Variants in MAP7D3 observed in about 807,000 individuals in gnomAD.
MAP7D3 encodes MAP7 domain containing 3.
In MAP7D3, 45 loss-of-function variants were observed where a neutral mutation model predicts 62.2. That is an observed-to-expected ratio of 0.72 (90% confidence interval 0.57 to 0.93). The LOEUF is 0.93. MAP7D3 is among the 40% of genes least tolerant of loss of function. MAP7D3 has a pLI of 0.00. For synonymous variants in MAP7D3, 288 were observed against 248.8 expected, an observed-to-expected ratio of 1.16 and a Z score of -1.48; for missense variants, 711 against 683.1, an observed-to-expected ratio of 1.04 and a Z score of -0.45.
chrX:136,224,585 G>C (rs2074172886), intron 14 of MAP7D3, among the ~76,000 whole-genome samples: 1 of 109,851 alleles, frequency 9.1e-6, no homozygotes, highest in African/African-American at 3.3e-5. Flanking sequence ...AACATTTAAA[G>C]AACCACAATG....
intron 12 of MAP7D3, 131 bp from the exon 13 acceptor site, chrX:136,226,144 T>A: frequency 2.2e-6 from 1 of 448,171 alleles, no homozygotes. Context: ...GAATGAGGGT[T>A]CCTATATCAT....
At chrX:136,232,692 T>C (rs771828055) in intron 7 of MAP7D3, among the ~76,000 whole-genome samples, 1 of 112,503 alleles carries the variant, frequency 8.9e-6, no homozygotes, top group African/African-American at 3.2e-5. Flanking sequence ...GAGCATTTTC[T>C]CACCCATACT....
At chrX:136,224,383 G>C (rs751027171) in intron 14 of MAP7D3, among the ~76,000 whole-genome samples, 11 of 105,783 alleles carry the variant, frequency 1.0e-4, no homozygotes, top group Non-Finnish European at 1.9e-4. Context: ...CTGGGTGACA[G>C]AGCGGGACTC....
chrX:136,229,436 G>A (rs753354134), intron 10 of MAP7D3, among the ~76,000 whole-genome samples: 2 of 111,626 alleles, frequency 1.8e-5, no homozygotes, highest in East Asian at 5.6e-4. Flanking sequence ...GTGGAATTCC[G>A]TAAAAGAGCA....
chrX:136,220,758 G>A lies in MAP7D3; in HGVS notation c.2486+7C>T, dbSNP rs1341597075. On this transcript the variant is annotated splice_region_variant and intron_variant, in intron 16 of 18. Transcript: ENST00000316077. ...GTTTATTTAGATAAGCTGGCTAAGT[G>A]ACTCACCTTGAAACTACTTCCTGTA... 3 of 1,193,161 alleles carry A rather than the reference G, an allele frequency of 2.5e-6. No homozygotes were observed. The highest frequency in any genetic ancestry group is 3.4e-6 in the Non-Finnish European group (3 of 880,320).
chrX:136,251,200 C>T, intron 1 of MAP7D3, 89 bp downstream of exon 1: 1 of 809,168 alleles, frequency 1.2e-6, no homozygotes, highest in Non-Finnish European at 1.7e-6. Flanking sequence ...TTGTGGCGCC[C>T]GCTGCGCCGC....
At chrX:136,231,025 G>GT in intron 8 of MAP7D3, 59 bp from the exon 9 acceptor site, 3 of 869,759 alleles carry the variant, frequency 3.4e-6, no homozygotes, top group Non-Finnish European at 1.5e-6. Flanking sequence ...ACTGCAGCTG[G>GT]CTTTTTTTTT....
chrX:136,233,448 A>G (rs980083332), intron 7 of MAP7D3, among the ~76,000 whole-genome samples: 3 of 107,101 alleles, frequency 2.8e-5, no homozygotes, highest in African/African-American at 1.0e-4. Flanking sequence ...AAAATTTTGT[A>G]TTTTTAGTAG....
chrX:136,255,454 C>A (rs976127281), upstream of MAP7D3, among the ~76,000 whole-genome samples: 1 of 111,257 alleles, frequency 9.0e-6, no homozygotes, highest in African/African-American at 3.3e-5. Context: ...TTCAATTAAT[C>A]TTTTATTAAC....
intron 1 of MAP7D3, 72 bp from the exon 2 acceptor site, chrX:136,246,413 G>A: frequency 6.3e-6 from 4 of 633,050 alleles, no homozygotes; most frequent in Non-Finnish European, 7.6e-6. Flanking sequence ...AGCAAACCAC[G>A]GCCAATTGTA....
At chrX:136,234,827 C>G (rs992807020) in intron 7 of MAP7D3, among the ~76,000 whole-genome samples, 1 of 111,440 alleles carries the variant, frequency 9.0e-6, no homozygotes, top group Non-Finnish European at 1.9e-5. Flanking sequence ...AAATTATTCT[C>G]TTGAGAACTG....
At chrX:136,220,529 G>A (rs2074114326) in intron 16 of MAP7D3, among the ~76,000 whole-genome samples, 1 of 112,075 alleles carries the variant, frequency 8.9e-6, no homozygotes, top group Non-Finnish European at 1.9e-5. Context: ...GCAGGATATT[G>A]GGCAAATAAA....
chrX:136,248,589 A>C (rs2074473562), intron 1 of MAP7D3, among the ~76,000 whole-genome samples: 1 of 112,558 alleles, frequency 8.9e-6, no homozygotes, highest in Admixed American at 9.4e-5. Context: ...AGTAAAAGTT[A>C]TATTTTGCCC....
At chrX:136,225,785 C>T (rs762772042) in intron 13 of MAP7D3, 124 bp downstream of exon 13, 4 of 457,689 alleles carry the variant, frequency 8.7e-6, no homozygotes, top group East Asian at 3.9e-5. Context: ...GGAAGAGAAT[C>T]GAGTGGGAAA....
In MAP7D3 at chrX:136,231,913, C is replaced by T. The variant is rs2074274435; in HGVS notation, c.1044G>A (p.Val348=). The T allele has an allele frequency of 4.1e-6, 5 of 1,211,513 alleles. No individual in the cohort carries two copies. Among genetic ancestry groups the T allele is most frequent in the East Asian group, 3.0e-5 (1 of 33,802 alleles). Residue 348 remains valine, a synonymous_variant, in exon 8 of 19, where the codon GTG becomes GTA. Coordinates refer to ENST00000316077, the MANE Select transcript of MAP7D3 (RefSeq NM_024597.4). ...TCATCTCAGAATCATATGTGCTCAC[C>T]ACAGGCGACACGTCCACGCTCACCA... ...FPVVSVDVSP[V]VSTYDSEMSM...
downstream of MAP7D3, among the ~76,000 whole-genome samples, chrX:136,216,359 T>TAAAAAAAAAAAAAAAAAAAAAAAAAAA (rs58245551): frequency 3.9e-5 from 1 of 25,504 alleles, no homozygotes; most frequent in Non-Finnish European, 6.1e-5. Context: ...ACCCTATCTC[T>TAAAAAAAAAAAAAAAAAAAAAAAAAAA]AAAAAAAAAA....
chrX:136,246,176 T>C (rs2074446398), intron 2 of MAP7D3, 28 bp from the exon 3 acceptor site: 1 of 1,121,839 alleles, frequency 8.9e-7, no homozygotes, highest in African/African-American at 1.8e-5. Flanking sequence ...TAGTTAGATA[T>C]TAATAGGATA....
chrX:136,241,894 T>C (rs142157974), intron 4 of MAP7D3, among the ~76,000 whole-genome samples: 1 of 111,545 alleles, frequency 9.0e-6, no homozygotes, highest in Admixed American at 9.5e-5. Flanking sequence ...CTATACAAAG[T>C]AAATACCATG....
At chrX:136,243,686 G>C (rs1357838338) in intron 4 of MAP7D3, among the ~76,000 whole-genome samples, 2 of 108,880 alleles carry the variant, frequency 1.8e-5, no homozygotes, top group African/African-American at 6.7e-5. Context: ...CTGGGCGACA[G>C]AGTGAGACTC....
Sources: allele counts gnomAD v4.1 joint callset (sites outside exome capture counted in the v4.1 genomes callset), GRCh38; gene constraint gnomAD v4.1.1; transcripts MANE v1.5; gene names NCBI Gene and HGNC (gene_info 2026-07-23, HGNC 2026-07-21).